P3H2: variants seen among roughly 807,000 people sequenced by gnomAD.
P3H2 encodes the protein leprecan-like 1.
In P3H2, 80 loss-of-function variants were observed where a neutral mutation model predicts 87.0. The observed-to-expected ratio is 0.92, with a 90% confidence interval of 0.77 to 1.11. The LOEUF is 1.11. P3H2 is among the 50% of genes least tolerant of loss of function. P3H2 has a pLI of 0.00. For missense variants in P3H2, 1,001 were observed against 923.9 expected (o/e 1.08, Z -1.08); for synonymous variants, 367 against 359.3 (o/e 1.02, Z -0.24).
chr3:190,009,947 G>A lies in P3H2; in HGVS notation c.481-14505C>T, dbSNP rs79592086. ...ATGACTTGAAACTTATTAAATCTGT[G>A]TGTCTAGGAGCTGAGGACGCTAAGA... is the stretch of plus-strand genomic sequence containing the variant. On this transcript the variant is annotated intron_variant, in intron 1 of 14. Coordinates refer to ENST00000319332, the MANE Select transcript of P3H2 (RefSeq NM_018192.4). Among the ~76,000 whole-genome samples the A allele has an allele frequency of 2.5e-4, 38 of 152,208 alleles. No homozygotes were observed. In the East Asian group the frequency reaches 7.0e-3, roughly 28 times the overall value.
In P3H2 at chr3:190,120,774, C is replaced by T. The variant is rs1213363532; in HGVS notation, c.-43G>A. The T allele has an allele frequency of 3.3e-6, 5 of 1,505,624 alleles. No homozygotes were observed. Among genetic ancestry groups the T allele is most frequent in the South Asian group, 1.2e-5 (1 of 80,940 alleles). 93.3% of individuals were successfully genotyped at this position (1,505,624 alleles called of 1,614,324 possible). A position where few individuals can be genotyped will look rare whatever the true frequency, so the allele number is the denominator to read the frequency against. ...CGCGGGACGGTTACGCTCGAGAGGG[C>T]TTCGGGGCACCTCGCGTCCGGGTCC... On this transcript the variant is annotated 5_prime_UTR_variant, in exon 1 of 15. Transcript: ENST00000319332.
In P3H2 at chr3:189,970,876, C is replaced by A; in HGVS notation, c.1833G>T (p.Met611Ile). The A allele has an allele frequency of 6.4e-7, 1 of 1,569,734 alleles. No homozygotes were observed. The highest frequency in any genetic ancestry group is 8.8e-7 in the Non-Finnish European group (1 of 1,139,788). ...TFRDYSALLY[M>I]NDDFEGGEFI... The stretch of plus-strand genomic sequence containing the variant: ...ATTCTCCTCCTTCAAAGTCATCATT[C>A]ATATATAGGAGAGCACTATAAGAAT... Residue 611 changes from methionine (M) to isoleucine (I), a missense_variant, in exon 13 of 15, where the codon ATG becomes ATT. Coordinates refer to ENST00000319332, the MANE Select transcript of P3H2 (RefSeq NM_018192.4).
At chr3:190,056,320 C>G (rs1726152715) in intron 1 of P3H2, among the ~76,000 whole-genome samples, 1 of 152,184 alleles carries the variant, frequency 6.6e-6, no homozygotes, top group African/African-American at 2.4e-5. Flanking sequence ...TGTTAAGAAG[C>G]TGTCCCCCTG....
chr3:190,038,460 T>G (rs186413822), intron 1 of P3H2, among the ~76,000 whole-genome samples: 2 of 113,286 alleles, frequency 1.8e-5, no homozygotes, highest in African/African-American at 6.5e-5. Context: ...ACCTAGATAT[T>G]CAACAAGAAG....
At chr3:190,063,640 G>A (rs1338484499) in intron 1 of P3H2, among the ~76,000 whole-genome samples, 4 of 152,106 alleles carry the variant, frequency 2.6e-5, no homozygotes, top group Non-Finnish European at 5.9e-5. Context: ...CACCCTTGAT[G>A]TTCTGTGACA....
At chr3:189,978,104 A>G (rs966176929) in intron 8 of P3H2, among the ~76,000 whole-genome samples, 10 of 152,196 alleles carry the variant, frequency 6.6e-5, no homozygotes, top group African/African-American at 2.4e-4. Flanking sequence ...AAGAAGAAAG[A>G]TAAGATACTT....
At chr3:190,038,251 A>G (rs975108380) in intron 1 of P3H2, among the ~76,000 whole-genome samples, 2 of 151,606 alleles carry the variant, frequency 1.3e-5, no homozygotes, top group East Asian at 3.9e-4. Flanking sequence ...AAAAAAAAAA[A>G]AAAAACTGTC....
chr3:189,998,711 A>G (rs746895373), intron 1 of P3H2, among the ~76,000 whole-genome samples: 1 of 152,332 alleles, frequency 6.6e-6, no homozygotes, highest in East Asian at 1.9e-4. Context: ...GTAACTTGTA[A>G]TAAGTTCAAA....
chr3:190,056,021 A>AGGGT (rs1373481560), intron 1 of P3H2, among the ~76,000 whole-genome samples: 4 of 152,172 alleles, frequency 2.6e-5, no homozygotes. Context: ...TGAGGTCATT[A>AGGGT]GGGTGGGGTC....
chr3:190,015,236 T>A (rs796670313), intron 1 of P3H2, among the ~76,000 whole-genome samples: 13 of 152,224 alleles, frequency 8.5e-5, no homozygotes, highest in Admixed American at 3.3e-4. Context: ...TTCCTGAGAT[T>A]ACAGGCATGA....
intron 1 of P3H2, among the ~76,000 whole-genome samples, chr3:190,083,772 G>A (rs558158982): frequency 2.0e-5 from 3 of 152,196 alleles, no homozygotes; most frequent in African/African-American, 7.2e-5. Context: ...TTGCCAACTG[G>A]ACCTGAGAGC....
chr3:190,026,207 C>T (rs1244496003), intron 1 of P3H2, among the ~76,000 whole-genome samples: 1 of 152,000 alleles, frequency 6.6e-6, no homozygotes, highest in Non-Finnish European at 1.5e-5. Context: ...ACTTAAAAGT[C>T]AAATTTTGGG....
chr3:190,038,976 G>C (rs1725512801), intron 1 of P3H2, among the ~76,000 whole-genome samples: 1 of 152,106 alleles, frequency 6.6e-6, no homozygotes, highest in African/African-American at 2.4e-5. Flanking sequence ...GATCACCTGA[G>C]GTCGCGAGTT....
intron 1 of P3H2, among the ~76,000 whole-genome samples, chr3:190,073,640 T>C (rs530365755): frequency 7.5e-4 from 114 of 152,296 alleles, no homozygotes; most frequent in African/African-American, 2.6e-3. Context: ...TCAAGGATCA[T>C]AGGCTGAGTG....
At chr3:190,072,463 A>G (rs150825945) in intron 1 of P3H2, among the ~76,000 whole-genome samples, 67 of 152,340 alleles carry the variant, frequency 4.4e-4, no homozygotes, top group African/African-American at 1.6e-3. Context: ...CCAACTTTCT[A>G]AAGGATGATT....
chr3:190,081,985 G>A (rs1277282242), intron 1 of P3H2, among the ~76,000 whole-genome samples: 1 of 152,184 alleles, frequency 6.6e-6, no homozygotes, highest in Non-Finnish European at 1.5e-5. Context: ...CGGGCACAAT[G>A]GGTCACGCCT....
intron 1 of P3H2, among the ~76,000 whole-genome samples, chr3:190,002,125 A>C (rs1342871367): frequency 6.6e-6 from 1 of 152,192 alleles, no homozygotes; most frequent in Non-Finnish European, 1.5e-5. Context: ...GCCATATAGC[A>C]AATAACTTTG....
chr3:190,101,368 CAAAAAAAAAAA>C lies in P3H2; in HGVS notation c.480+18873_480+18883del, dbSNP rs34737545. ...GCATCAGTTCACCAAATCATGAACG[CAAAAAAAAAAA>C]AAAAAAAAAAAAAAAGCGATTGAAG... On this transcript the variant is annotated intron_variant, in intron 1 of 14. Transcript: ENST00000319332. 2.9e-4 allele frequency among the ~76,000 whole-genome samples: 7 copies of C among 23,954 alleles called. 1 individual carries two copies. The highest frequency in any genetic ancestry group is 4.2e-4 in the Non-Finnish European group (6 of 14,122). 15.7% of individuals were successfully genotyped at this position (23,954 alleles called of 152,430 possible).
chr3:189,987,743 C>T (rs181875812), intron 4 of P3H2, 74 bp from the exon 5 acceptor site: 30 of 1,577,410 alleles, frequency 1.9e-5, no homozygotes, highest in Middle Eastern at 3.4e-4. Context: ...AGGCCATCAA[C>T]GTGTCTACAA....
Sources: allele counts gnomAD v4.1 joint callset (sites outside exome capture counted in the v4.1 genomes callset), GRCh38; gene constraint gnomAD v4.1.1; transcripts MANE v1.5; gene names NCBI Gene and HGNC (gene_info 2026-07-23, HGNC 2026-07-21).